Variants in SHISAL1 observed in about 807,000 individuals in gnomAD.
SHISAL1 encodes the protein shisa like 1.
SHISAL1 carries 9 observed loss-of-function variants against 22.6 expected under a neutral mutation model. That is an observed-to-expected ratio of 0.40 (90% confidence interval 0.24 to 0.70). The LOEUF (loss-of-function observed/expected upper bound fraction) is 0.70. Among genes scored for constraint, SHISAL1 ranks in the 30% least tolerant of loss-of-function variants. The pLI, the probability that SHISAL1 is intolerant of heterozygous loss-of-function variation, is 0.39. For missense variants in SHISAL1, 246 were observed against 270.6 expected, an observed-to-expected ratio of 0.91 and a Z score of 0.64; for synonymous variants, 119 against 115.4, an observed-to-expected ratio of 1.03 and a Z score of -0.20.
chr22:44,303,008 A>C (rs2055443214), intron 1 of SHISAL1, among the ~76,000 whole-genome samples: 2 of 152,034 alleles, frequency 1.3e-5, no homozygotes, highest in African/African-American at 2.4e-5. Context: ...TGAGGGGACT[A>C]GATTACTTAG....
At chr22:44,252,498 G>C (rs566559202) in intron 4 of SHISAL1, among the ~76,000 whole-genome samples, 1 of 151,810 alleles carries the variant, frequency 6.6e-6, no homozygotes, top group African/African-American at 2.4e-5. Context: ...AGACAACAGA[G>C]ACCATATGGT....
At chr22:44,328,992 T>G in the SHISAL1 span, among the ~76,000 whole-genome samples, 72 of 152,268 alleles carry the variant, frequency 4.7e-4, no homozygotes, top group Admixed American at 9.8e-4. Context: ...GATTCACGCC[T>G]GTCATTCTGG....
chr22:44,249,243 G>A lies in SHISAL1; in HGVS notation c.*442C>T, dbSNP rs561968882. On this transcript the variant is annotated 3_prime_UTR_variant, in exon 5 of 5. Coordinates refer to ENST00000381176, the MANE Select transcript of SHISAL1 (RefSeq NM_001099294.2). ...AAATCACACACACGCACACACACAC[G>A]CACATTCAATATTCTGACACAAATA... 1.4e-4 allele frequency: 22 copies of A among 160,370 alleles called. No homozygotes were observed. Among genetic ancestry groups the A allele is most frequent in the Admixed American group, 5.7e-4 (9 of 15,792 alleles). 9.9% of individuals were successfully genotyped at this position (160,370 alleles called of 1,614,324 possible).
chr22:44,273,090 T>C (rs1160107112), intron 4 of SHISAL1, among the ~76,000 whole-genome samples: 6 of 146,040 alleles, frequency 4.1e-5, no homozygotes, highest in Non-Finnish European at 7.4e-5. Context: ...AGCAAGACTC[T>C]GTCTCCAAAA....
At chr22:44,269,393 A>T (rs1219455499) in intron 4 of SHISAL1, among the ~76,000 whole-genome samples, 3 of 150,222 alleles carry the variant, frequency 2.0e-5, no homozygotes, top group Non-Finnish European at 3.0e-5. Flanking sequence ...TGACACACAG[A>T]CACCCACACA....
Position 44,261,976 on chromosome 22 carries a change from C to T in SHISAL1, c.*-12291G>A, listed in dbSNP as rs182820608. Among the ~76,000 whole-genome samples the T allele has an allele frequency of 4.1e-3, 555 of 135,912 alleles. 2 individuals carry two copies. The highest frequency in any genetic ancestry group is 6.9e-3 in the Non-Finnish European group (420 of 60,760). The allele number at this position is 135,912 out of a possible 152,430, so 89.2% of individuals were successfully genotyped here. On this transcript the variant is annotated intron_variant, in intron 4 of 4. Transcript: ENST00000381176. Reference sequence around the variant, plus strand: ...CCATAAGCTGGAACTATAGCACCTTCGGCCAGGGCCTGGGCTGGGGGCTCA... The same window carrying T: ...CCATAAGCTGGAACTATAGCACCTTTGGCCAGGGCCTGGGCTGGGGGCTCA...
chr22:44,303,334 T>C (rs1329913879), intron 1 of SHISAL1, among the ~76,000 whole-genome samples: 1 of 152,004 alleles, frequency 6.6e-6, no homozygotes, highest in Non-Finnish European at 1.5e-5. Flanking sequence ...GGAAATAGGG[T>C]CATCACGGAG....
intron 3 of SHISAL1, among the ~76,000 whole-genome samples, chr22:44,288,417 A>G (rs2147293016): frequency 6.6e-6 from 1 of 152,208 alleles, no homozygotes; most frequent in Non-Finnish European, 1.5e-5. Context: ...CCGGTGGATC[A>G]CAAGGTCAGG....
intron 4 of SHISAL1, among the ~76,000 whole-genome samples, chr22:44,256,375 C>G (rs2055085309): frequency 6.6e-6 from 1 of 152,210 alleles, no homozygotes; most frequent in Non-Finnish European, 1.5e-5. Context: ...CTAACCCAGA[C>G]CTTTGGAATT....
chr22:44,308,600 A>T (rs2055495678), intron 1 of SHISAL1, among the ~76,000 whole-genome samples: 2 of 151,962 alleles, frequency 1.3e-5, no homozygotes, highest in African/African-American at 4.8e-5. Context: ...CGAGCTTCTG[A>T]CACTCTGACT....
rs73888959 is a variant in SHISAL1 at position 44,270,573 on chromosome 22, G to A, written c.599+14855C>T. 3.8e-3 allele frequency among the ~76,000 whole-genome samples: 575 copies of A among 152,276 alleles called. 4 individuals are homozygous for A. Among genetic ancestry groups the A allele is most frequent in the African/African-American group, 0.013 (555 of 41,562 alleles). On this transcript the variant is annotated intron_variant, in intron 4 of 4. Coordinates refer to ENST00000381176, the MANE Select transcript of SHISAL1 (RefSeq NM_001099294.2). ...TACAGAAGGGACACTCAGCAGTGCC[G>A]GGCAGGGAGGCATCAGGGCCAGCTC...
chr22:44,319,198 T>A, the SHISAL1 span, among the ~76,000 whole-genome samples: 1 of 152,244 alleles, frequency 6.6e-6, no homozygotes, highest in Non-Finnish European at 1.5e-5. Flanking sequence ...ACCTCCGATG[T>A]GTTCAGCACT....
the SHISAL1 span, among the ~76,000 whole-genome samples, chr22:44,319,519 A>G: frequency 6.6e-6 from 1 of 152,342 alleles, no homozygotes; most frequent in East Asian, 1.9e-4. Context: ...TGAAAAACAC[A>G]AGAGACCATT....
intron 4 of SHISAL1, among the ~76,000 whole-genome samples, chr22:44,264,430 T>C (rs1488421588): frequency 1.3e-5 from 2 of 152,142 alleles, no homozygotes; most frequent in Non-Finnish European, 2.9e-5. Flanking sequence ...GTTTGCTGAA[T>C]AAATGACAGA....
At chr22:44,304,780 G>A (rs563924193) in intron 1 of SHISAL1, among the ~76,000 whole-genome samples, 4 of 152,196 alleles carry the variant, frequency 2.6e-5, no homozygotes, top group South Asian at 2.1e-4. Context: ...TGCCTCCCCC[G>A]TGCTCCATTC....
In SHISAL1 at chr22:44,309,029, G is replaced by A. The variant is rs535336760; in HGVS notation, c.-33+3722C>T. On this transcript the variant is annotated intron_variant, in intron 1 of 4. Coordinates refer to ENST00000381176, the MANE Select transcript of SHISAL1 (RefSeq NM_001099294.2). ...TTTGCCCAGCTGGTCCTGCCCGTGG[G>A]CATCCCTTTCCCCACCGTGTACGTC... Among the ~76,000 whole-genome samples the A allele has an allele frequency of 5.3e-5, 8 of 152,330 alleles. No homozygotes were observed. In the South Asian group the frequency reaches 1.7e-3, roughly 32 times the overall value.
At chr22:44,327,222 G>A in the SHISAL1 span, among the ~76,000 whole-genome samples, 1 of 147,650 alleles carries the variant, frequency 6.8e-6, no homozygotes, top group Non-Finnish European at 1.5e-5. Flanking sequence ...CTTGAGGGCT[G>A]TGGAGAGTGG....
rs536496763 is a variant in SHISAL1 at position 44,306,527 on chromosome 22, G to A, written c.-32-5550C>T. On this transcript the variant is annotated intron_variant, in intron 1 of 4. Transcript: ENST00000381176. Reference sequence around the variant, plus strand: ...ATGTGTAGAGGGTACCTGGGCTCGGGGAGCTCTGATGACGATGGCATGTGT... The same window carrying A: ...ATGTGTAGAGGGTACCTGGGCTCGGAGAGCTCTGATGACGATGGCATGTGT... Among the ~76,000 whole-genome samples, 120 of 122,066 alleles carry A rather than the reference G, an allele frequency of 9.8e-4. 9 individuals are homozygous for A. The highest frequency in any genetic ancestry group is 3.2e-4 in the Non-Finnish European group (18 of 56,894). The allele number at this position is 122,066 out of a possible 152,430, so 80.1% of individuals were successfully genotyped here. A position where few individuals can be genotyped will look rare whatever the true frequency, so the allele number is the denominator to read the frequency against.
chr22:44,326,314 A>G, the SHISAL1 span, among the ~76,000 whole-genome samples: 16 of 152,166 alleles, frequency 1.1e-4, no homozygotes, highest in Non-Finnish European at 1.9e-4. Flanking sequence ...TCAGGCGACA[A>G]CGAGGAGCTT....
Sources: allele counts gnomAD v4.1 joint callset (sites outside exome capture counted in the v4.1 genomes callset), GRCh38; gene constraint gnomAD v4.1.1; transcripts MANE v1.5; gene names NCBI Gene and HGNC (gene_info 2026-07-23, HGNC 2026-07-21).